UNC79: variants seen among roughly 807,000 people sequenced by gnomAD.
UNC79 encodes the protein unc-79 subunit of NALCN channel complex.
UNC79 carries 37 observed loss-of-function variants against 283.1 expected under a neutral mutation model. That is an observed-to-expected ratio of 0.13 (90% CI 0.10 to 0.17). The LOEUF (loss-of-function observed/expected upper bound fraction) is 0.17, where lower values mean the gene tolerates loss of function less well. UNC79 is among the 10% of genes least tolerant of loss of function. The pLI is 1.00. For missense variants in UNC79, 2,272 were observed against 3,211.1 expected (o/e 0.71, Z 7.07); for synonymous variants, 1,107 against 1,200.2 (o/e 0.92, Z 1.61).
At chr14:93,628,909 G>T (rs181987387) in intron 30 of UNC79, among the ~76,000 whole-genome samples, 50 of 152,236 alleles carry the variant, frequency 3.3e-4, no homozygotes, top group African/African-American at 1.0e-3. Context: ...TTTTAATGGG[G>T]ATACCAAGGC....
At chr14:93,377,442 G>T (rs1299401156) in intron 1 of UNC79, among the ~76,000 whole-genome samples, 1 of 152,108 alleles carries the variant, frequency 6.6e-6, no homozygotes, top group African/African-American at 2.4e-5. Context: ...AGGGTTGAGG[G>T]CTTCAAAAGA....
chr14:93,700,400 C>A (rs2075441234), intron 47 of UNC79, among the ~76,000 whole-genome samples: 1 of 152,076 alleles, frequency 6.6e-6, no homozygotes, highest in Admixed American at 6.5e-5. Context: ...TTTCTTCTAC[C>A]TTCTTGACCA....
intron 41 of UNC79, among the ~76,000 whole-genome samples, chr14:93,677,067 C>T (rs1469475910): frequency 2.6e-5 from 4 of 152,078 alleles, no homozygotes; most frequent in Admixed American, 2.6e-4. Flanking sequence ...TGGTTTGTTC[C>T]TGGGTTTCAG....
At chr14:93,405,876 C>T (rs1482817916) in intron 1 of UNC79, among the ~76,000 whole-genome samples, 3 of 152,172 alleles carry the variant, frequency 2.0e-5, no homozygotes, top group African/African-American at 7.2e-5. Flanking sequence ...AGTAATCTCT[C>T]CACTACTTTC....
At chr14:93,350,451 T>C (rs2053960867) in intron 1 of UNC79, among the ~76,000 whole-genome samples, 2 of 152,154 alleles carry the variant, frequency 1.3e-5, no homozygotes, top group Non-Finnish European at 1.5e-5. Context: ...AGAACTGTAA[T>C]GTAAGACAAG....
chr14:93,623,718 C>A (rs1049828184), intron 30 of UNC79, among the ~76,000 whole-genome samples: 4 of 152,124 alleles, frequency 2.6e-5, no homozygotes, highest in African/African-American at 9.7e-5. Flanking sequence ...CATAGTGAAA[C>A]CCCGTCTCTA....
At chr14:93,499,778 A>G (rs1008075364) in intron 7 of UNC79, among the ~76,000 whole-genome samples, 4 of 152,098 alleles carry the variant, frequency 2.6e-5, no homozygotes, top group South Asian at 2.1e-4. Context: ...GATGTGGGCA[A>G]GTTTGGGAAG....
In UNC79 at chr14:93,634,090, C is replaced by T. The variant is rs181710606; in HGVS notation, c.5717-3126C>T. ...TACACGCACACACACACATCATGTACACACGCACACATACACAAGGACCTC... is the reference window on the plus strand; with the variant it reads ...TACACGCACACACACACATCATGTATACACGCACACATACACAAGGACCTC... On this transcript the variant is annotated intron_variant, in intron 31 of 48. Transcript: ENST00000555664. Among the ~76,000 whole-genome samples, 713 of 152,244 alleles carry T rather than the reference C, an allele frequency of 4.7e-3. 3 individuals carry two copies. Among genetic ancestry groups the T allele is most frequent in the Admixed American group, 8.8e-3 (134 of 15,280 alleles).
chr14:93,525,310 G>A (rs763614071), intron 8 of UNC79, among the ~76,000 whole-genome samples: 3 of 152,112 alleles, frequency 2.0e-5, no homozygotes, highest in Non-Finnish European at 2.9e-5. Flanking sequence ...TAAGCTGGGC[G>A]TGGTGGTGTG....
intron 1 of UNC79, among the ~76,000 whole-genome samples, chr14:93,364,963 T>C (rs2054299195): frequency 6.6e-6 from 1 of 152,084 alleles, no homozygotes; most frequent in Non-Finnish European, 1.5e-5. Flanking sequence ...CTGGGTGCAA[T>C]GGCTCATGAC....
chr14:93,361,591 C>T (rs1404448903), intron 1 of UNC79, among the ~76,000 whole-genome samples: 2 of 151,986 alleles, frequency 1.3e-5, no homozygotes, highest in African/African-American at 4.8e-5. Flanking sequence ...ATCTAGGAGC[C>T]TTTGGTCAGA....
chr14:93,447,104 C>A (rs2056484197), intron 1 of UNC79, among the ~76,000 whole-genome samples: 1 of 151,894 alleles, frequency 6.6e-6, no homozygotes. Flanking sequence ...TGTTGAATAC[C>A]CCTTTTATTT....
chr14:93,338,160 A>G (rs1195460644), intron 1 of UNC79, among the ~76,000 whole-genome samples: 4 of 152,114 alleles, frequency 2.6e-5, no homozygotes, highest in African/African-American at 9.7e-5. Context: ...GCAAAACTCA[A>G]GCAGAGGTGC....
At chr14:93,464,710 T>C in intron 1 of UNC79, 1 of 415,674 alleles carries the variant, frequency 2.4e-6, no homozygotes, top group Non-Finnish European at 4.8e-6. Context: ...TAGGGTCAGT[T>C]GAGGTTGAAG....
intron 35 of UNC79, among the ~76,000 whole-genome samples, chr14:93,652,734 A>G (rs1476855416): frequency 6.6e-6 from 1 of 152,172 alleles, no homozygotes; most frequent in Non-Finnish European, 1.5e-5. Flanking sequence ...TCATGACCCT[A>G]CTTGGTCTTT....
intron 7 of UNC79, among the ~76,000 whole-genome samples, chr14:93,507,110 A>G (rs2059583612): frequency 6.6e-6 from 1 of 152,126 alleles, no homozygotes; most frequent in Non-Finnish European, 1.5e-5. Flanking sequence ...TAAGTATTCC[A>G]TTGCATGGAT....
chr14:93,505,098 A>G (rs1261194284), intron 7 of UNC79, among the ~76,000 whole-genome samples: 2 of 152,150 alleles, frequency 1.3e-5, no homozygotes, highest in Non-Finnish European at 2.9e-5. Context: ...GAACTTAAAA[A>G]GAACTCAAGA....
Position 93,386,927 on chromosome 14 carries a change from CTTTTTTTTTTTTTTT to C in UNC79, c.-351+53422_-351+53436del, listed in dbSNP as rs35267402. ...TTCATTTCAATTTCATGTATTTCTG[CTTTTTTTTTTTTTTT>C]TTTTTTTTTTTTTTTTTGAGACGGA... On this transcript the variant is annotated intron_variant, in intron 1 of 49. Coordinates refer to the UNC79 transcript ENST00000256339. Among the ~76,000 whole-genome samples the C allele has an allele frequency of 5.1e-4, 14 of 27,196 alleles. No individual in the cohort carries two copies. In the East Asian group the frequency reaches 0.012, roughly 23 times the overall value. The allele number at this position is 27,196 out of a possible 152,430, so 17.8% of individuals were successfully genotyped here.
exon 24 of UNC79, chr14:93,597,442 G>A: frequency 8.7e-6 from 14 of 1,614,172 alleles, no homozygotes; most frequent in Non-Finnish European, 1.0e-5. Flanking sequence ...CCTGGCACAT[G>A]CCTTCTGCTG....
Sources: allele counts gnomAD v4.1 joint callset (sites outside exome capture counted in the v4.1 genomes callset), GRCh38; gene constraint gnomAD v4.1.1; transcripts MANE v1.5; gene names NCBI Gene and HGNC (gene_info 2026-07-23, HGNC 2026-07-21).